PTPRT: variants seen among roughly 807,000 people sequenced by gnomAD.
PTPRT encodes the protein protein tyrosine phosphatase receptor type T, also known as receptor-type tyrosine-protein phosphatase T.
A neutral mutation model predicts 176.8 loss-of-function variants in PTPRT; 56 were observed. That is an observed-to-expected ratio of 0.32 (90% CI 0.26 to 0.40). The LOEUF is 0.40. PTPRT is among the 10% of genes least tolerant of loss of function. The probability of loss-of-function intolerance (pLI) is 1.00; values close to 1 mark genes in which losing one functional copy is unlikely to be tolerated. For missense variants in PTPRT, 1,540 were observed against 1,908.2 expected (o/e 0.81, Z 3.60); for synonymous variants, 783 against 739.0 (o/e 1.06, Z -0.96).
intron 13 of PTPRT, among the ~76,000 whole-genome samples, chr20:42,274,941 A>G (rs1249299394): frequency 6.6e-6 from 1 of 152,200 alleles, no homozygotes; most frequent in East Asian, 1.9e-4. Flanking sequence ...GAGACAGAGC[A>G]TCCTGTCAGT....
chr20:43,031,892 A>G (rs1178871630), intron 1 of PTPRT, among the ~76,000 whole-genome samples: 5 of 152,094 alleles, frequency 3.3e-5, no homozygotes, highest in East Asian at 3.9e-4. Context: ...GGGTTTCTGC[A>G]TTAGGTAACT....
chr20:42,573,574 C>G (rs932299710), intron 7 of PTPRT, among the ~76,000 whole-genome samples: 1 of 151,978 alleles, frequency 6.6e-6, no homozygotes, highest in Non-Finnish European at 1.5e-5. Flanking sequence ...GGTGACTACC[C>G]CATGATCTAA....
At chr20:42,616,768 T>G (rs2074088043) in intron 7 of PTPRT, among the ~76,000 whole-genome samples, 1 of 133,174 alleles carries the variant, frequency 7.5e-6, no homozygotes, top group Admixed American at 7.2e-5. Context: ...AGAATGCTTG[T>G]GATTTTTGTA....
chr20:42,823,661 A>T (rs1278523839), intron 2 of PTPRT, among the ~76,000 whole-genome samples: 1 of 152,202 alleles, frequency 6.6e-6, no homozygotes, highest in Non-Finnish European at 1.5e-5. Context: ...CATATATAAG[A>T]GTCAAACACT....
intron 6 of PTPRT, among the ~76,000 whole-genome samples, chr20:42,680,553 A>G: frequency 6.6e-6 from 1 of 152,154 alleles, no homozygotes; most frequent in Admixed American, 6.5e-5. Flanking sequence ...ATGAGGCCCC[A>G]GGGGTGATAT....
At position 42,617,158 on chromosome 20, in the gene PTPRT, A is replaced by C. The variant is rs1400864830; in HGVS notation, c.1153+60708T>G. Among the ~76,000 whole-genome samples the C allele has an allele frequency of 5.1e-5, 7 of 136,988 alleles. 1 individual carries two copies. 89.9% of individuals were successfully genotyped at this position (136,988 alleles called of 152,430 possible). A position where few individuals can be genotyped will look rare whatever the true frequency, so the allele number is the denominator to read the frequency against. ...GAGTTTTTAGCATGAAGGGTTGTTG[A>C]ATTTTGTCAAAGGCTTTTTCCGCAT... On this transcript the variant is annotated intron_variant, in intron 7 of 30. Transcript: ENST00000373187.
the PTPRT span, among the ~76,000 whole-genome samples, chr20:42,045,275 C>T: frequency 6.6e-6 from 1 of 151,774 alleles, no homozygotes; most frequent in South Asian, 2.1e-4. Flanking sequence ...AAAGGAGGAC[C>T]AAGACCATCA....
At chr20:42,270,567 A>C (rs1237866950) in intron 13 of PTPRT, 4 of 799,852 alleles carry the variant, frequency 5.0e-6, no homozygotes, top group Non-Finnish European at 8.2e-6. Context: ...GGCTCTGAAG[A>C]GCTCACACTA....
At chr20:42,070,909 CTTCT>C (rs1982298690), downstream of PTPRT, among the ~76,000 whole-genome samples, 2 of 151,908 alleles carry the variant, frequency 1.3e-5, no homozygotes, top group African/African-American at 4.8e-5. Flanking sequence ...GATTTTTTTC[CTTCT>C]TTCTAATTTT....
intron 1 of PTPRT, among the ~76,000 whole-genome samples, chr20:43,106,666 GAAA>G (rs71193676): frequency 0.3 from 25,793 of 87,004 alleles, 2,757 homozygotes; most frequent in Non-Finnish European, 0.33. Context: ...CTCAAAAAAA[GAAA>G]AAAAAAAAAA....
intron 7 of PTPRT, among the ~76,000 whole-genome samples, chr20:42,659,549 TG>T (rs1205625624): frequency 6.6e-6 from 1 of 152,172 alleles, no homozygotes; most frequent in Non-Finnish European, 1.5e-5. Flanking sequence ...TTCAAGACAG[TG>T]GGATGGTCTT....
intron 13 of PTPRT, among the ~76,000 whole-genome samples, chr20:42,264,572 TC>T (rs1191762335): frequency 1.3e-5 from 2 of 152,134 alleles, no homozygotes; most frequent in Non-Finnish European, 2.9e-5. Flanking sequence ...CTGTAGCTCT[TC>T]CCCTAGTCTT....
intron 13 of PTPRT, among the ~76,000 whole-genome samples, chr20:42,258,917 C>T (rs151213169): frequency 6.6e-6 from 1 of 152,296 alleles, no homozygotes; most frequent in Non-Finnish European, 1.5e-5. Context: ...AGAAGATACA[C>T]ATTTCTAATA....
At chr20:43,117,395 T>A (rs973490327) in intron 1 of PTPRT, among the ~76,000 whole-genome samples, 6 of 152,178 alleles carry the variant, frequency 3.9e-5, no homozygotes, top group African/African-American at 1.4e-4. Flanking sequence ...TAATCTGTTA[T>A]CAGGAGTCAA....
intron 1 of PTPRT, among the ~76,000 whole-genome samples, chr20:43,160,773 AG>A (rs1217547807): frequency 6.6e-6 from 1 of 152,186 alleles, no homozygotes; most frequent in African/African-American, 2.4e-5. Flanking sequence ...AGGTGAAATG[AG>A]GGGTAACACC....
intron 7 of PTPRT, among the ~76,000 whole-genome samples, chr20:42,542,111 T>C (rs1049501578): frequency 6.6e-6 from 1 of 152,218 alleles, no homozygotes; most frequent in African/African-American, 2.4e-5. Context: ...AGGTAAGTTG[T>C]GTCTTTGCTC....
At chr20:42,754,085 C>T (rs2076797555) in intron 6 of PTPRT, among the ~76,000 whole-genome samples, 1 of 152,194 alleles carries the variant, frequency 6.6e-6, no homozygotes, top group African/African-American at 2.4e-5. Flanking sequence ...GTATAAGACA[C>T]ATTCCAGCAG....
intron 8 of PTPRT, among the ~76,000 whole-genome samples, chr20:42,451,782 T>C (rs1280565497): frequency 6.6e-6 from 1 of 151,936 alleles, no homozygotes; most frequent in Non-Finnish European, 1.5e-5. Context: ...GCAAGAGTAA[T>C]TTAAGGGAGA....
At chr20:42,692,788 T>C (rs1410647699) in intron 6 of PTPRT, among the ~76,000 whole-genome samples, 1 of 152,154 alleles carries the variant, frequency 6.6e-6, no homozygotes, top group East Asian at 1.9e-4. Context: ...AATTAACAAG[T>C]TAATTTAGAA....
Sources: allele counts gnomAD v4.1 joint callset (sites outside exome capture counted in the v4.1 genomes callset), GRCh38; gene constraint gnomAD v4.1.1; transcripts MANE v1.5; gene names NCBI Gene and HGNC (gene_info 2026-07-23, HGNC 2026-07-21).